The following CDH7 variants were observed in gnomAD, a reference collection of about 807,000 sequenced individuals.
CDH7 encodes cadherin 7, also known as cadherin-7.
In CDH7, 25 loss-of-function variants were observed where a neutral mutation model predicts 71.8. The ratio of observed to expected loss-of-function variants is 0.35; its 90% confidence interval spans 0.25 to 0.49. CDH7 has a LOEUF of 0.49. Among genes scored for constraint, CDH7 ranks in the 20% least tolerant of loss-of-function variants. CDH7 has a pLI of 0.99. For missense variants in CDH7, 862 were observed against 974.6 expected (o/e 0.88, Z 1.54); for synonymous variants, 381 against 363.8 (o/e 1.05, Z -0.54).
chr18:65,817,833 A>G (rs1020352344), intron 4 of CDH7, among the ~76,000 whole-genome samples: 1 of 152,208 alleles, frequency 6.6e-6, no homozygotes, highest in East Asian at 1.9e-4. Flanking sequence ...TATTTAAACT[A>G]TTATCATCAA....
intron 2 of CDH7, among the ~76,000 whole-genome samples, chr18:65,804,379 A>C (rs1463163156): frequency 1.3e-5 from 2 of 152,178 alleles, no homozygotes; most frequent in Non-Finnish European, 2.9e-5. Flanking sequence ...AGCAGAGTTT[A>C]AGAAGTACTA....
At chr18:65,862,581 A>G (rs985675926) in intron 10 of CDH7, 85 bp from the exon 11 acceptor site, 2 of 1,359,510 alleles carry the variant, frequency 1.5e-6, no homozygotes, top group Admixed American at 2.1e-5. Context: ...TAAGGCATCA[A>G]AGTAAATAGA....
chr18:65,761,120 GAGTTACC>G (rs1298808770), intron 1 of CDH7, among the ~76,000 whole-genome samples: 3 of 152,282 alleles, frequency 2.0e-5, no homozygotes, highest in East Asian at 3.9e-4. Context: ...GTGCAGTTAA[GAGTTACC>G]ATTCTGGTGG....
In CDH7 at chr18:65,885,932, TA is replaced by T. The variant is rs1253797457; in HGVS notation, c.*5039del. ...TGTTATTTGTGTAATTGTCACATAT[TA>T]TTGTGCAGATTTAATCTCATTGTTA... On this transcript the variant is annotated 3_prime_UTR_variant, in exon 12 of 12. Coordinates refer to ENST00000397968, the MANE Select transcript of CDH7 (RefSeq NM_004361.5). 2.0e-5 allele frequency: 3 copies of T among 152,206 alleles called. No homozygotes were observed. Among genetic ancestry groups the T allele is most frequent in the African/African-American group, 4.8e-5 (2 of 41,442 alleles). The allele number at this position is 152,206 out of a possible 1,614,324, so 9.4% of individuals were successfully genotyped here.
At chr18:65,824,481 T>G (rs1912051011) in intron 5 of CDH7, among the ~76,000 whole-genome samples, 163 bp from the exon 6 acceptor site, 1 of 151,928 alleles carries the variant, frequency 6.6e-6, no homozygotes. Flanking sequence ...TCATACCTCT[T>G]AAGGCTCTAT....
Position 65,859,046 on chromosome 18 carries a change from G to C in CDH7, c.1494G>C (p.Gln498His). Residue 498 changes from glutamine (Q) to histidine (H), a missense_variant and splice_region_variant, in exon 9 of 12, where the codon CAG becomes CAC. Coordinates refer to ENST00000397968, the MANE Select transcript of CDH7 (RefSeq NM_004361.5). ...TCTGTGAAAATGCCCAGCCGGGGCA[G>C]GTAAGAGTCTTCAGAACACTTTGCT... The part of the protein sequence containing the change: ...TTVCENAQPG[Q>H]VIQKISAVDK... The C allele has an allele frequency of 6.2e-7, 1 of 1,613,174 alleles. No individual in the cohort carries two copies. Among genetic ancestry groups the C allele is most frequent in the Non-Finnish European group, 8.5e-7 (1 of 1,179,362 alleles).
intron 1 of CDH7, among the ~76,000 whole-genome samples, chr18:65,761,589 T>C (rs1446210490): frequency 6.6e-6 from 1 of 151,998 alleles, no homozygotes; most frequent in African/African-American, 2.4e-5. Context: ...CCTTAATTGT[T>C]CTATTGTTGA....
intron 2 of CDH7, among the ~76,000 whole-genome samples, chr18:65,782,912 C>T (rs180909353): frequency 3.5e-4 from 53 of 152,098 alleles, no homozygotes; most frequent in African/African-American, 9.9e-4. Context: ...TCATTTTAAA[C>T]AGCAAAACCA....
At chr18:65,811,531 A>G (rs1254346087) in intron 3 of CDH7, among the ~76,000 whole-genome samples, 1 of 152,110 alleles carries the variant, frequency 6.6e-6, no homozygotes, top group Non-Finnish European at 1.5e-5. Context: ...CTTCCTCACT[A>G]CCGTCCACAC....
intron 2 of CDH7, among the ~76,000 whole-genome samples, chr18:65,795,024 A>C (rs1910859273): frequency 6.6e-6 from 1 of 152,024 alleles, no homozygotes; most frequent in Admixed American, 6.5e-5. Context: ...GGAGTGAATA[A>C]AATTCAGGGT....
At chr18:65,781,771 C>CTTTCTTTCTATCT in intron 2 of CDH7, among the ~76,000 whole-genome samples, 1 of 39,100 alleles carries the variant, frequency 2.6e-5, no homozygotes, top group African/African-American at 9.7e-5. Context: ...TCTTTCTTTC[C>CTTTCTTTCTATCT]TTCCTTCCTT....
At chr18:65,868,500 T>C (rs1489629887) in intron 11 of CDH7, among the ~76,000 whole-genome samples, 1 of 152,210 alleles carries the variant, frequency 6.6e-6, no homozygotes, top group Non-Finnish European at 1.5e-5. Flanking sequence ...GTGAAAGACC[T>C]CTCTGTTTCT....
At chr18:65,818,795 C>T (rs1173544405) in intron 4 of CDH7, among the ~76,000 whole-genome samples, 1 of 152,106 alleles carries the variant, frequency 6.6e-6, no homozygotes, top group Non-Finnish European at 1.5e-5. Context: ...TTCTTTAAAA[C>T]AAAAGCAAAG....
At chr18:65,856,939 A>G (rs953580156) in intron 7 of CDH7, among the ~76,000 whole-genome samples, 3 of 152,078 alleles carry the variant, frequency 2.0e-5, no homozygotes, top group African/African-American at 7.2e-5. Flanking sequence ...TTTACATGCA[A>G]AAATAGCCAT....
At position 65,862,760 on chromosome 18, in the gene CDH7, T is replaced by C; in HGVS notation, c.1707T>C (p.Ser569=). 6.2e-7 allele frequency: 1 copy of C among 1,614,108 alleles called. No individual in the cohort carries two copies. The highest frequency in any genetic ancestry group is 2.2e-5 in the East Asian group (1 of 44,856). ...CAATTTTCATTGTGGACAGTGGATC[T>C]CCCTCACTTAGCAGCACCAACACCC... ...YLPIFIVDSG[S]PSLSSTNTLT... The change falls in exon 11 of 12, where the codon TCT becomes TCC. Residue 569 remains serine (S), a synonymous_variant. Transcript: ENST00000397968.
At position 65,843,797 on chromosome 18, in the gene CDH7, C is replaced by T. The variant is rs1285228583; in HGVS notation, c.982-15C>T. 7.4e-6 allele frequency: 11 copies of T among 1,478,722 alleles called. No individual in the cohort carries two copies. The highest frequency in any genetic ancestry group is 1.4e-5 in the South Asian group (1 of 70,962). The allele number at this position is 1,478,722 out of a possible 1,614,324, so 91.6% of individuals were successfully genotyped here. On this transcript the variant is annotated splice_polypyrimidine_tract_variant and intron_variant, in intron 6 of 11. Transcript: ENST00000397968. Reference sequence around the variant, plus strand: ...TTAACCGGTAATTTAATTTTCCTAACGACTTTCTTTACAGGAGCTGGATTT... The same window carrying T: ...TTAACCGGTAATTTAATTTTCCTAATGACTTTCTTTACAGGAGCTGGATTT...
chr18:65,861,108 G>A (rs1014073462), intron 10 of CDH7, among the ~76,000 whole-genome samples: 10 of 152,114 alleles, frequency 6.6e-5, no homozygotes, highest in Non-Finnish European at 1.5e-4. Context: ...TGTACAGCAC[G>A]TGCACTAAAA....
intron 5 of CDH7, 144 bp from the exon 6 acceptor site, chr18:65,824,500 T>C: frequency 2.2e-6 from 1 of 458,784 alleles, no homozygotes; most frequent in Non-Finnish European, 3.8e-6. Context: ...ATGAAACTCA[T>C]CTTTTGTTTT....
At chr18:65,771,145 A>T (rs1363793715) in intron 2 of CDH7, among the ~76,000 whole-genome samples, 2 of 152,156 alleles carry the variant, frequency 1.3e-5, no homozygotes, top group African/African-American at 4.8e-5. Flanking sequence ...CTTGCAAAAG[A>T]CATACCTACA....
Sources: gnomAD v4.1 joint callset for allele counts (sites outside exome capture counted in the v4.1 genomes callset) on GRCh38, gnomAD v4.1.1 for gene constraint, MANE v1.5 for transcripts, NCBI Gene and HGNC (gene_info 2026-07-23, HGNC 2026-07-21) for gene names.